Variants in ME1 observed in about 807,000 individuals in gnomAD.
ME1 encodes malic enzyme 1.
Under a neutral mutation model 66.4 loss-of-function variants are expected in ME1, and 74 were observed. The observed-to-expected ratio is 1.11, with a 90% CI of 0.92 to 1.35. The LOEUF is 1.35. Ranked by LOEUF, ME1 falls within the 40% of genes most tolerant of loss-of-function variation. The pLI is 0.00. For missense variants in ME1, 750 were observed against 694.1 expected, an observed-to-expected ratio of 1.08 and a Z score of -0.90; for synonymous variants, 251 against 235.6, an observed-to-expected ratio of 1.07 and a Z score of -0.60.
At chr6:83,349,707 A>G (rs138627536) in intron 4 of ME1, among the ~76,000 whole-genome samples, 188 of 152,322 alleles carry the variant, frequency 1.2e-3, no homozygotes, top group African/African-American at 4.3e-3. Context: ...TTACTTATAT[A>G]ATTTCCTTGT....
At chr6:83,220,810 G>A (rs987865296) in intron 12 of ME1, among the ~76,000 whole-genome samples, 5 of 152,138 alleles carry the variant, frequency 3.3e-5, no homozygotes, top group African/African-American at 1.2e-4. Flanking sequence ...CTAGCATGGT[G>A]CTAGATACTA....
intron 1 of ME1, among the ~76,000 whole-genome samples, chr6:83,423,289 A>G (rs951941872): frequency 2.0e-5 from 3 of 152,118 alleles, no homozygotes; most frequent in Non-Finnish European, 4.4e-5. Context: ...TAAAATAGAC[A>G]TTCTCAGAGG....
chr6:83,268,072 T>C (rs1767020345), intron 6 of ME1, among the ~76,000 whole-genome samples: 1 of 152,206 alleles, frequency 6.6e-6, no homozygotes, highest in Non-Finnish European at 1.5e-5. Flanking sequence ...ATGTTCTAAA[T>C]TGCCACTTTT....
At chr6:83,396,200 C>T (rs1207308418) in intron 3 of ME1, among the ~76,000 whole-genome samples, 1 of 152,062 alleles carries the variant, frequency 6.6e-6, no homozygotes, top group Admixed American at 6.5e-5. Flanking sequence ...CCCATCTCTA[C>T]CAAAAATACA....
chr6:83,396,496 T>C (rs577453050), intron 3 of ME1, among the ~76,000 whole-genome samples: 5 of 152,194 alleles, frequency 3.3e-5, no homozygotes, highest in Non-Finnish European at 5.9e-5. Context: ...TGGAAAGATG[T>C]TCCATTTCAT....
chr6:83,309,575 A>G (rs1767892345), intron 6 of ME1, among the ~76,000 whole-genome samples: 1 of 152,142 alleles, frequency 6.6e-6, no homozygotes, highest in South Asian at 2.1e-4. Flanking sequence ...CATGTTACAT[A>G]TGCTATGTCT....
chr6:83,287,745 G>T (rs1199192232), intron 6 of ME1, among the ~76,000 whole-genome samples: 1 of 152,106 alleles, frequency 6.6e-6, no homozygotes, highest in Non-Finnish European at 1.5e-5. Context: ...TTCCACAATG[G>T]TTGAACTAAT....
intron 3 of ME1, among the ~76,000 whole-genome samples, chr6:83,376,493 CA>C (rs60227281): frequency 0.37 from 43,129 of 117,982 alleles, 6,603 homozygotes; most frequent in Admixed American, 0.5. Flanking sequence ...GAAACTCTGT[CA>C]AAAAAAAAAA....
intron 6 of ME1, among the ~76,000 whole-genome samples, chr6:83,277,822 A>G (rs1767212787): frequency 6.6e-6 from 1 of 151,838 alleles, no homozygotes; most frequent in Non-Finnish European, 1.5e-5. Flanking sequence ...GAATCGCTTG[A>G]ACCTGGGAGG....
At position 83,348,996 on chromosome 6, in the gene ME1, A is replaced by AT. The variant is rs1156479140; in HGVS notation, c.439-2663_439-2662insA. Among the ~76,000 whole-genome samples, 725 of 144,100 alleles carry AT rather than the reference A, an allele frequency of 5.0e-3. 20 individuals are homozygous for AT. Among genetic ancestry groups the AT allele is most frequent in the African/African-American group, 0.019 (684 of 36,972 alleles). The allele number at this position is 144,100 out of a possible 152,430, so 94.5% of individuals were successfully genotyped here. ...CAAAACTCTGTCTCAAAAAAAAAAA[A>AT]AAAAACAAAAAACAAAAAACAGTGC... On this transcript the variant is annotated intron_variant, in intron 4 of 13. Transcript: ENST00000369705.
chr6:83,221,687 T>C (rs1790094083), intron 12 of ME1, among the ~76,000 whole-genome samples: 1 of 151,988 alleles, frequency 6.6e-6, no homozygotes, highest in South Asian at 2.1e-4. Context: ...ATACACAGAT[T>C]TGGCCACTAC....
At chr6:83,346,106 T>A (rs921129325) in intron 5 of ME1, 67 bp downstream of exon 5, 2 of 1,256,120 alleles carry the variant, frequency 1.6e-6, no homozygotes, top group Admixed American at 2.5e-5. Flanking sequence ...CTGGAATAAG[T>A]TCAAAATGCA....
intron 5 of ME1, among the ~76,000 whole-genome samples, chr6:83,323,781 G>C (rs1768229215): frequency 6.6e-6 from 1 of 152,110 alleles, no homozygotes. Flanking sequence ...AGATCAACAA[G>C]ACAGAAAATT....
chr6:83,410,271 T>C (rs1441060216), intron 1 of ME1, among the ~76,000 whole-genome samples: 1 of 152,110 alleles, frequency 6.6e-6, no homozygotes, highest in African/African-American at 2.4e-5. Flanking sequence ...TATGAGAAAA[T>C]TTAGAATTCA....
At chr6:83,277,707 G>T (rs112322665) in intron 6 of ME1, among the ~76,000 whole-genome samples, 1 of 151,924 alleles carries the variant, frequency 6.6e-6, no homozygotes, top group Non-Finnish European at 1.5e-5. Flanking sequence ...TTCGAGGCCA[G>T]CCTGGCCAAC....
At chr6:83,276,143 C>G (rs1431698162) in intron 6 of ME1, among the ~76,000 whole-genome samples, 1 of 152,072 alleles carries the variant, frequency 6.6e-6, no homozygotes, top group African/African-American at 2.4e-5. Context: ...GACTTTTTTG[C>G]ATTGAAGACT....
chr6:83,357,885 A>T (rs1454326644), intron 3 of ME1, among the ~76,000 whole-genome samples: 1 of 120,438 alleles, frequency 8.3e-6, no homozygotes, highest in Non-Finnish European at 1.7e-5. Flanking sequence ...CATGTTAGTT[A>T]ATACTTAATA....
chr6:83,271,910 A>C (rs1767088376), intron 6 of ME1, among the ~76,000 whole-genome samples: 1 of 152,198 alleles, frequency 6.6e-6, no homozygotes, highest in Non-Finnish European at 1.5e-5. Context: ...TTTATGGGGT[A>C]CATGAGATAT....
intron 9 of ME1, among the ~76,000 whole-genome samples, chr6:83,234,892 T>C (rs1275276586): frequency 6.6e-6 from 1 of 152,198 alleles, no homozygotes; most frequent in East Asian, 1.9e-4. Context: ...TACATGCTGG[T>C]TCTCCTGTCT....
Sources: allele counts gnomAD v4.1 joint callset (sites outside exome capture counted in the v4.1 genomes callset), GRCh38; gene constraint gnomAD v4.1.1; transcripts MANE v1.5; gene names NCBI Gene and HGNC (gene_info 2026-07-23, HGNC 2026-07-21).